The following HECW1 variants were observed in gnomAD, a reference collection of about 807,000 sequenced individuals.
HECW1 encodes the protein HECT, C2 and WW domain containing E3 ubiquitin protein ligase 1.
A neutral mutation model predicts 182.3 loss-of-function variants in HECW1; 61 were observed. That is an observed-to-expected ratio of 0.33 (90% CI 0.27 to 0.41). The LOEUF (loss-of-function observed/expected upper bound fraction) is 0.41, where lower values mean the gene tolerates loss of function less well. Ranked by LOEUF, HECW1 falls within the 10% of genes least tolerant of loss-of-function variation. HECW1 has a pLI of 1.00. For missense variants in HECW1, 1,739 were observed against 2,108.9 expected, an observed-to-expected ratio of 0.82 and a Z score of 3.44; for synonymous variants, 859 against 832.6, an observed-to-expected ratio of 1.03 and a Z score of -0.55.
intron 2 of HECW1, among the ~76,000 whole-genome samples, chr7:43,137,456 C>T (rs992523703): frequency 6.6e-6 from 1 of 152,184 alleles, no homozygotes; most frequent in Non-Finnish European, 1.5e-5. Context: ...CCGCACATTC[C>T]ATTCTATATT....
intron 7 of HECW1, among the ~76,000 whole-genome samples, chr7:43,399,285 G>A: frequency 6.6e-6 from 1 of 152,166 alleles, no homozygotes; most frequent in East Asian, 1.9e-4. Context: ...CAGCTTATAG[G>A]TTAGACGCAA....
At chr7:43,180,279 C>G (rs1406856521) in intron 2 of HECW1, among the ~76,000 whole-genome samples, 1 of 108,546 alleles carries the variant, frequency 9.2e-6, no homozygotes, top group Non-Finnish European at 1.9e-5. Context: ...AGTCCTCTAG[C>G]TCCCACTCCT....
At chr7:43,481,126 G>A (rs1169895553) in intron 17 of HECW1, among the ~76,000 whole-genome samples, 1 of 152,152 alleles carries the variant, frequency 6.6e-6, no homozygotes, top group Non-Finnish European at 1.5e-5. Context: ...ACATCCCTGA[G>A]CATTACATGG....
chr7:43,129,857 A>G (rs967773174), intron 2 of HECW1, among the ~76,000 whole-genome samples: 1 of 152,174 alleles, frequency 6.6e-6, no homozygotes, highest in Admixed American at 6.5e-5. Context: ...GTATACTTCA[A>G]ATCATCTCAA....
intron 26 of HECW1, among the ~76,000 whole-genome samples, chr7:43,547,573 A>C (rs1316734755): frequency 6.6e-6 from 1 of 151,532 alleles, no homozygotes; most frequent in Non-Finnish European, 1.5e-5. Context: ...CTGTGTTTTC[A>C]ATATGAGATA....
chr7:43,300,226 A>T (rs1806562005), intron 3 of HECW1, among the ~76,000 whole-genome samples: 1 of 152,168 alleles, frequency 6.6e-6, no homozygotes, highest in African/African-American at 2.4e-5. Context: ...TTCCTCTTCC[A>T]ATAGGAATCT....
chr7:43,336,228 G>C (rs1430586018), intron 5 of HECW1, among the ~76,000 whole-genome samples: 2 of 131,594 alleles, frequency 1.5e-5, no homozygotes, highest in African/African-American at 5.8e-5. Context: ...CTGGAGTACA[G>C]TGGTGGGATC....
chr7:43,155,449 G>A lies in HECW1; in HGVS notation c.-32+41058G>A, dbSNP rs188396562. The stretch of plus-strand genomic sequence containing the variant: ...TTGGTTAAAATCCAAGATGAAAATA[G>A]GAAGAACAAGTAAACAAAGGAAAAC... On this transcript the variant is annotated intron_variant, in intron 2 of 29. Coordinates refer to ENST00000395891, the MANE Select transcript of HECW1 (RefSeq NM_015052.5). 2.6e-3 allele frequency among the ~76,000 whole-genome samples: 396 copies of A among 152,230 alleles called. 7 individuals are homozygous for A. Among genetic ancestry groups the A allele is most frequent in the Admixed American group, 0.024 (368 of 15,292 alleles).
chr7:43,215,035 C>T (rs954890556), intron 2 of HECW1, among the ~76,000 whole-genome samples: 2 of 152,258 alleles, frequency 1.3e-5, no homozygotes, highest in African/African-American at 4.8e-5. Context: ...TATTCACTTA[C>T]TCTTCCTGCT....
chr7:43,269,502 CAT>C (rs987899602), intron 3 of HECW1, among the ~76,000 whole-genome samples: 6 of 152,258 alleles, frequency 3.9e-5, no homozygotes, highest in Admixed American at 3.3e-4. Flanking sequence ...CAGAAAGACA[CAT>C]GTGAAATTCA....
intron 24 of HECW1, among the ~76,000 whole-genome samples, chr7:43,533,262 G>C (rs931827147): frequency 3.9e-5 from 6 of 152,090 alleles, no homozygotes; most frequent in African/African-American, 1.4e-4. Context: ...ACTCCTTAAA[G>C]GAACTTAACC....
chr7:43,504,458 G>A lies in HECW1; in HGVS notation c.3632-2679G>A, dbSNP rs183975656. On this transcript the variant is annotated intron_variant, in intron 21 of 29. Transcript: ENST00000395891. Reference sequence around the variant, plus strand: ...TTCCCTGATGCAGCGTAGATTCTGCGGTTCATCATTTCAATAGCACCCTTG... The same window carrying A: ...TTCCCTGATGCAGCGTAGATTCTGCAGTTCATCATTTCAATAGCACCCTTG... 1.0e-3 allele frequency among the ~76,000 whole-genome samples: 155 copies of A among 152,130 alleles called. 1 individual carries two copies. Among genetic ancestry groups the A allele is most frequent in the Non-Finnish European group, 1.8e-3 (122 of 67,992 alleles).
At chr7:43,381,478 T>C (rs925246434) in intron 6 of HECW1, among the ~76,000 whole-genome samples, 1 of 146,898 alleles carries the variant, frequency 6.8e-6, no homozygotes, top group East Asian at 2.0e-4. Flanking sequence ...CATGCTACCA[T>C]GCATGGCTAA....
intron 7 of HECW1, among the ~76,000 whole-genome samples, chr7:43,402,135 A>G (rs1411919507): frequency 1.3e-5 from 2 of 152,038 alleles, no homozygotes; most frequent in East Asian, 1.9e-4. Flanking sequence ...CCCTGCATTC[A>G]CCATCCTTCA....
chr7:43,195,584 G>C (rs1794382488), intron 2 of HECW1, among the ~76,000 whole-genome samples: 2 of 152,162 alleles, frequency 1.3e-5, no homozygotes, highest in Admixed American at 1.3e-4. Flanking sequence ...ATTGATACTG[G>C]TGGGCTGGGG....
intron 2 of HECW1, among the ~76,000 whole-genome samples, chr7:43,234,795 G>A (rs549476694): frequency 2.0e-5 from 3 of 152,142 alleles, no homozygotes; most frequent in Admixed American, 1.3e-4. Flanking sequence ...GCTCACTCAC[G>A]TATTGCCTGA....
chr7:43,406,380 G>T (rs1400688646), intron 7 of HECW1, among the ~76,000 whole-genome samples: 1 of 152,178 alleles, frequency 6.6e-6, no homozygotes, highest in Non-Finnish European at 1.5e-5. Flanking sequence ...ACATTATCAT[G>T]CCAGAGAGTA....
chr7:43,409,690 C>T (rs574056307), intron 8 of HECW1, among the ~76,000 whole-genome samples: 91 of 152,342 alleles, frequency 6.0e-4, no homozygotes, highest in African/African-American at 2.0e-3. Flanking sequence ...TATGCCTCAT[C>T]TCATGTCCCC....
chr7:43,144,515 T>A (rs1788492036), intron 2 of HECW1, among the ~76,000 whole-genome samples: 1 of 152,326 alleles, frequency 6.6e-6, no homozygotes, highest in African/African-American at 2.4e-5. Flanking sequence ...CATTGATTAG[T>A]TTACTCACTT....
Sources: allele counts gnomAD v4.1 joint callset (sites outside exome capture counted in the v4.1 genomes callset), GRCh38; gene constraint gnomAD v4.1.1; transcripts MANE v1.5; gene names NCBI Gene and HGNC (gene_info 2026-07-23, HGNC 2026-07-21).